CTDSPL2: variants seen among roughly 807,000 people sequenced by gnomAD.
CTDSPL2 encodes the protein CTD small phosphatase-like protein 2.
In CTDSPL2, 5 loss-of-function variants were observed where a neutral mutation model predicts 60.0. That is an observed-to-expected ratio of 0.08 (90% CI 0.04 to 0.18). The LOEUF (loss-of-function observed/expected upper bound fraction) is 0.18, where lower values mean the gene tolerates loss of function less well. Ranked by LOEUF, CTDSPL2 falls within the 10% of genes least tolerant of loss-of-function variation. The pLI is 1.00. For missense variants in CTDSPL2, 370 were observed against 548.8 expected (o/e 0.67, Z 3.26); for synonymous variants, 186 against 189.3 (o/e 0.98, Z 0.14).
At chr15:44,461,903 G>A (rs1567072993) in intron 2 of CTDSPL2, among the ~76,000 whole-genome samples, 1 of 152,042 alleles carries the variant, frequency 6.6e-6, no homozygotes, top group Non-Finnish European at 1.5e-5. Context: ...TGTATTAATG[G>A]ACCAATACAG....
At chr15:44,441,709 G>A (rs968668340) in intron 1 of CTDSPL2, among the ~76,000 whole-genome samples, 10 of 151,976 alleles carry the variant, frequency 6.6e-5, no homozygotes, top group African/African-American at 1.5e-4. Flanking sequence ...CTCAGCTCTC[G>A]GATGGGTTTT....
chr15:44,500,196 T>A (rs999281083), intron 8 of CTDSPL2, among the ~76,000 whole-genome samples: 3 of 152,220 alleles, frequency 2.0e-5, no homozygotes, highest in Non-Finnish European at 4.4e-5. Flanking sequence ...TCCTTGTTGA[T>A]CATTTTATTT....
Position 44,427,766 on chromosome 15 carries a change from C to T in CTDSPL2, c.-31C>T. On this transcript the variant is annotated 5_prime_UTR_variant, in exon 1 of 13. Coordinates refer to ENST00000260327, the MANE Select transcript of CTDSPL2 (RefSeq NM_016396.3). ...GCCTGAGGACACTTCTCTGTCGTCA[C>T]AGTTAGGTAATCCCCTTCGTCCAGA... The T allele has an allele frequency of 2.5e-6, 1 of 399,426 alleles. No individual in the cohort carries two copies. The highest frequency in any genetic ancestry group is 4.4e-6 in the Non-Finnish European group (1 of 226,396). The allele number at this position is 399,426 out of a possible 1,614,324, so 24.7% of individuals were successfully genotyped here.
intron 1 of CTDSPL2, among the ~76,000 whole-genome samples, chr15:44,440,716 T>A (rs1020546247): frequency 1.1e-4 from 17 of 152,142 alleles, no homozygotes; most frequent in African/African-American, 3.9e-4. Context: ...CTCTTGAGGT[T>A]GTAATTTATT....
chr15:44,444,435 C>T (rs1396135616), intron 1 of CTDSPL2, among the ~76,000 whole-genome samples: 1 of 151,782 alleles, frequency 6.6e-6, no homozygotes, highest in Non-Finnish European at 1.5e-5. Context: ...ACCTCTGCCT[C>T]CCAGGCTCAA....
chr15:44,502,936 T>A (rs1368488411), intron 8 of CTDSPL2, among the ~76,000 whole-genome samples: 4 of 152,178 alleles, frequency 2.6e-5, no homozygotes, highest in African/African-American at 9.7e-5. Context: ...ACTTGGTTAA[T>A]GCAAGTCTTA....
At chr15:44,495,688 C>A (rs532981611) in intron 5 of CTDSPL2, among the ~76,000 whole-genome samples, 27 of 152,220 alleles carry the variant, frequency 1.8e-4, no homozygotes, top group Admixed American at 1.2e-3. Context: ...AATCCCAACA[C>A]TTTGGGAGGT....
At chr15:44,444,836 GTTTTTTTTT>G (rs35160726) in intron 1 of CTDSPL2, among the ~76,000 whole-genome samples, 11 of 69,614 alleles carry the variant, frequency 1.6e-4, no homozygotes, top group African/African-American at 4.9e-4. Flanking sequence ...ATGGAATGTA[GTTTTTTTTT>G]TTTTTTTTTT....
chr15:44,444,302 T>TACACACAC lies in CTDSPL2; in HGVS notation c.-24-14657_-24-14650dup, dbSNP rs59993417. On this transcript the variant is annotated intron_variant, in intron 1 of 12. Transcript: ENST00000260327. ...AATCCAATGTTATGAGCTTTTCCCA[T>TACACACAC]ACACACACACACACACACACACACA... is the stretch of plus-strand genomic sequence containing the variant. 7.6e-3 allele frequency among the ~76,000 whole-genome samples: 1,038 copies of TACACACAC among 136,250 alleles called. 5 individuals carry two copies. Among genetic ancestry groups the TACACACAC allele is most frequent in the African/African-American group, 0.014 (504 of 36,072 alleles). The allele number at this position is 136,250 out of a possible 152,430, so 89.4% of individuals were successfully genotyped here.
At chr15:44,451,646 T>C (rs1460727870) in intron 1 of CTDSPL2, among the ~76,000 whole-genome samples, 1 of 152,166 alleles carries the variant, frequency 6.6e-6, no homozygotes, top group African/African-American at 2.4e-5. Flanking sequence ...CTTATAATTT[T>C]TTGTTGAAAA....
intron 2 of CTDSPL2, among the ~76,000 whole-genome samples, chr15:44,468,960 C>T (rs1457805962): frequency 1.3e-5 from 2 of 152,108 alleles, no homozygotes; most frequent in Non-Finnish European, 2.9e-5. Context: ...CACTTAGTAG[C>T]TTTCTTGTTT....
intron 8 of CTDSPL2, among the ~76,000 whole-genome samples, chr15:44,505,013 G>A (rs1050163510): frequency 6.6e-6 from 1 of 151,796 alleles, no homozygotes; most frequent in Non-Finnish European, 1.5e-5. Flanking sequence ...ATTATTAATT[G>A]GCTAAAAAAA....
At chr15:44,466,041 T>G (rs1177560582) in intron 2 of CTDSPL2, among the ~76,000 whole-genome samples, 1 of 151,932 alleles carries the variant, frequency 6.6e-6, no homozygotes, top group Non-Finnish European at 1.5e-5. Context: ...TCCAAGCAAT[T>G]CTCCTGCCTC....
chr15:44,445,058 A>T (rs935113165), intron 1 of CTDSPL2, among the ~76,000 whole-genome samples: 23 of 151,220 alleles, frequency 1.5e-4, no homozygotes, highest in Admixed American at 1.3e-3. Context: ...GTTAGCTAGG[A>T]TGGTCTCGAT....
intron 8 of CTDSPL2, among the ~76,000 whole-genome samples, chr15:44,500,212 A>G (rs974309969): frequency 1.7e-4 from 26 of 152,208 alleles, no homozygotes; most frequent in Admixed American, 1.6e-3. Flanking sequence ...TATTTCCTAT[A>G]GTAGTAATGT....
Position 44,496,820 on chromosome 15 carries a change from GA to G in CTDSPL2, c.771-206del, listed in dbSNP as rs373435162. ...AGGTTACAGTGACCTGTGATAGAGTGAGACTGTCTCAAAAACAAACAAACAA... is the reference window on the plus strand; with the variant it reads ...AGGTTACAGTGACCTGTGATAGAGTGGACTGTCTCAAAAACAAACAAACAA... On this transcript the variant is annotated intron_variant, in intron 6 of 12. Coordinates refer to ENST00000260327, the MANE Select transcript of CTDSPL2 (RefSeq NM_016396.3). Among the ~76,000 whole-genome samples the G allele has an allele frequency of 3.3e-3, 503 of 152,296 alleles. 2 individuals carry two copies. The highest frequency in any genetic ancestry group is 0.014 in the Middle Eastern group (4 of 294).
chr15:44,487,419 T>C (rs117087145), intron 4 of CTDSPL2, among the ~76,000 whole-genome samples: 3,062 of 152,100 alleles, frequency 0.02, 106 homozygotes, highest in East Asian at 0.13. Flanking sequence ...CAGTGTGCTG[T>C]GATTGTACCA....
chr15:44,471,635 G>T (rs1348024257), intron 2 of CTDSPL2, among the ~76,000 whole-genome samples: 2 of 152,090 alleles, frequency 1.3e-5, no homozygotes, highest in Non-Finnish European at 2.9e-5. Context: ...GCACTATGTT[G>T]TATAGTAGTA....
intron 1 of CTDSPL2, among the ~76,000 whole-genome samples, chr15:44,429,339 A>G (rs2079810230): frequency 6.6e-6 from 1 of 152,214 alleles, no homozygotes; most frequent in East Asian, 1.9e-4. Flanking sequence ...TATTTAAAAA[A>G]TGGAGCCAAA....
Sources: allele counts gnomAD v4.1 joint callset (sites outside exome capture counted in the v4.1 genomes callset), GRCh38; gene constraint gnomAD v4.1.1; transcripts MANE v1.5; gene names NCBI Gene and HGNC (gene_info 2026-07-23, HGNC 2026-07-21).